Variants in ACOXL observed in about 807,000 individuals in gnomAD.
ACOXL encodes the protein acyl-CoA oxidase like, also known as acyl-coenzyme A oxidase-like protein.
In ACOXL, 70 loss-of-function variants were observed where a neutral mutation model predicts 71.9. That is an observed-to-expected ratio of 0.97 (90% CI 0.80 to 1.19). The LOEUF (loss-of-function observed/expected upper bound fraction) is 1.19. ACOXL is among the 50% of genes most tolerant of loss of function. The pLI is 0.00. For missense variants in ACOXL, 703 were observed against 736.3 expected (o/e 0.95, Z 0.52); for synonymous variants, 253 against 281.6 (o/e 0.90, Z 1.02).
chr2:110,878,350 A>G (rs1017025729), intron 10 of ACOXL, among the ~76,000 whole-genome samples: 1 of 152,270 alleles, frequency 6.6e-6, no homozygotes, highest in African/African-American at 2.4e-5. Context: ...GAGAAGCTCT[A>G]TCAGAAGAAA....
chr2:110,859,380 A>G (rs1181193302), intron 10 of ACOXL, among the ~76,000 whole-genome samples: 2 of 152,190 alleles, frequency 1.3e-5, no homozygotes, highest in African/African-American at 4.8e-5. Flanking sequence ...TCTGACCCCA[A>G]TACATTTTAT....
chr2:110,826,229 C>A (rs949039319), intron 9 of ACOXL, among the ~76,000 whole-genome samples: 3 of 152,192 alleles, frequency 2.0e-5, no homozygotes, highest in African/African-American at 4.8e-5. Context: ...TCACTGAGCG[C>A]CCCTTGTTCA....
chr2:111,064,270 A>G (rs1239919673), intron 16 of ACOXL, among the ~76,000 whole-genome samples: 1 of 152,098 alleles, frequency 6.6e-6, no homozygotes, highest in Non-Finnish European at 1.5e-5. Flanking sequence ...CCCCGTCTCT[A>G]CTAAAAATAC....
chr2:111,009,006 T>G (rs13404800), intron 14 of ACOXL, among the ~76,000 whole-genome samples: 2,714 of 152,326 alleles, frequency 0.018, 87 homozygotes, highest in African/African-American at 0.062. Context: ...CCTTTTGTCA[T>G]ATTGAAAAAA....
chr2:110,980,211 C>G (rs551805029), intron 12 of ACOXL, among the ~76,000 whole-genome samples: 21 of 152,356 alleles, frequency 1.4e-4, no homozygotes, highest in Admixed American at 1.4e-3. Flanking sequence ...CTTACAGTTA[C>G]TCCTGTAGAG....
intron 11 of ACOXL, among the ~76,000 whole-genome samples, chr2:110,925,488 A>G (rs1022789829): frequency 9.9e-5 from 15 of 152,240 alleles, no homozygotes; most frequent in Admixed American, 9.2e-4. Context: ...TGCTATAGAG[A>G]TGGTGTCTTT....
chr2:110,769,835 AAAAAT>A (rs535758128), intron 2 of ACOXL, among the ~76,000 whole-genome samples: 37 of 152,116 alleles, frequency 2.4e-4, no homozygotes, highest in African/African-American at 6.5e-4. Flanking sequence ...CTCTGTCTCA[AAAAAT>A]AAAATAAAAT....
chr2:111,041,229 G>GCCTCGTAACATCCAGGT (rs1216695612), intron 15 of ACOXL, among the ~76,000 whole-genome samples: 2 of 152,188 alleles, frequency 1.3e-5, no homozygotes, highest in Non-Finnish European at 2.9e-5. Context: ...GGACTGCAGG[G>GCCTCGTAACATCCAGGT]CCTCGTAACA....
At chr2:111,027,211 C>A (rs2065054445) in intron 14 of ACOXL, among the ~76,000 whole-genome samples, 1 of 151,100 alleles carries the variant, frequency 6.6e-6, no homozygotes, top group African/African-American at 2.4e-5. Flanking sequence ...TTGTTTTAAA[C>A]CCTTCTTATA....
At chr2:110,824,754 G>A (rs1688983793) in intron 9 of ACOXL, among the ~76,000 whole-genome samples, 1 of 151,952 alleles carries the variant, frequency 6.6e-6, no homozygotes, top group South Asian at 2.1e-4. Flanking sequence ...ATGGAGTATG[G>A]CAATAATATG....
chr2:110,753,205 TCTA>T (rs1679233166), intron 1 of ACOXL, among the ~76,000 whole-genome samples: 1 of 152,150 alleles, frequency 6.6e-6, no homozygotes, highest in Non-Finnish European at 1.5e-5. Context: ...CCTTTTGCCT[TCTA>T]CTTCTACCAT....
At chr2:110,800,665 A>G (rs1685876893) in intron 7 of ACOXL, among the ~76,000 whole-genome samples, 1 of 152,118 alleles carries the variant, frequency 6.6e-6, no homozygotes, top group African/African-American at 2.4e-5. Context: ...GGAAGAGAAG[A>G]GGGAAGAAGT....
intron 14 of ACOXL, among the ~76,000 whole-genome samples, chr2:110,999,123 G>A (rs1574437212): frequency 6.6e-6 from 1 of 152,156 alleles, no homozygotes; most frequent in African/African-American, 2.4e-5. Flanking sequence ...AGTTCTGGGG[G>A]CTGGAAGTTC....
intron 14 of ACOXL, 86 bp from the exon 15 acceptor site, chr2:111,031,541 T>C (rs2065265496): frequency 3.2e-6 from 4 of 1,249,012 alleles, no homozygotes; most frequent in Non-Finnish European, 4.7e-6. Context: ...GTACTGAAAA[T>C]TTGGATGTTT....
chr2:110,915,807 A>G (rs1029140817), intron 11 of ACOXL, among the ~76,000 whole-genome samples: 1 of 152,006 alleles, frequency 6.6e-6, no homozygotes, highest in Admixed American at 6.6e-5. Context: ...TTCATATGGA[A>G]TATTGATTTT....
At chr2:110,773,352 C>A (rs555727490) in intron 2 of ACOXL, among the ~76,000 whole-genome samples, 1 of 152,222 alleles carries the variant, frequency 6.6e-6, no homozygotes, top group South Asian at 2.1e-4. Context: ...TCTACTCAGA[C>A]CTTGAGAGAA....
At chr2:110,807,422 T>A (rs1573611671) in intron 9 of ACOXL, among the ~76,000 whole-genome samples, 1 of 152,012 alleles carries the variant, frequency 6.6e-6, no homozygotes, top group Non-Finnish European at 1.5e-5. Context: ...AAGACAGGAG[T>A]TGGCTAAAGG....
intron 12 of ACOXL, among the ~76,000 whole-genome samples, chr2:110,946,213 G>T (rs1168505867): frequency 1.3e-5 from 2 of 152,206 alleles, no homozygotes; most frequent in African/African-American, 4.8e-5. Context: ...AGATGCTACT[G>T]ATTTTTGTAC....
chr2:111,063,389 G>A (rs79088548), intron 16 of ACOXL, among the ~76,000 whole-genome samples: 4,347 of 152,012 alleles, frequency 0.029, 132 homozygotes, highest in South Asian at 0.15. Flanking sequence ...AATATTAATG[G>A]GTAGAATTTA....
Sources: allele counts gnomAD v4.1 joint callset (sites outside exome capture counted in the v4.1 genomes callset), GRCh38; gene constraint gnomAD v4.1.1; transcripts MANE v1.5; gene names NCBI Gene and HGNC (gene_info 2026-07-23, HGNC 2026-07-21).